SPOCD1: variants seen among roughly 807,000 people sequenced by gnomAD.
The protein encoded by SPOCD1 is SPOC domain containing 1, also known as SPOC domain-containing protein 1.
SPOCD1 carries 64 observed loss-of-function variants against 92.2 expected under a neutral mutation model. That is an observed-to-expected ratio of 0.69 (90% CI 0.57 to 0.86). The LOEUF is 0.86. SPOCD1 is among the 40% of genes least tolerant of loss of function. The pLI, the probability that SPOCD1 is intolerant of heterozygous loss-of-function variation, is 0.00. For synonymous variants in SPOCD1, 578 were observed against 619.3 expected, an observed-to-expected ratio of 0.93 and a Z score of 0.99; for missense variants, 1,360 against 1,543.1, an observed-to-expected ratio of 0.88 and a Z score of 1.99.
chr1:31,811,034 C>T (rs1440353387), intron 2 of SPOCD1, among the ~76,000 whole-genome samples: 1 of 152,176 alleles, frequency 6.6e-6, no homozygotes, highest in Non-Finnish European at 1.5e-5. Flanking sequence ...ATCTCTCCTC[C>T]AAGAGTCTCT....
chr1:31,793,569 CT>C, intron 12 of SPOCD1, 141 bp from the exon 13 acceptor site: 1 of 1,481,040 alleles, frequency 6.8e-7, no homozygotes, highest in Non-Finnish European at 9.2e-7. Flanking sequence ...GTGCAGGGGG[CT>C]GCCAGGAGGC....
chr1:31,792,122 G>A, intron 15 of SPOCD1, 93 bp downstream of exon 15: 4 of 1,406,022 alleles, frequency 2.8e-6, no homozygotes, highest in Non-Finnish European at 3.9e-6. Flanking sequence ...CTTCTGAGAT[G>A]TGCCTGCCTC....
chr1:31,791,082 G>T lies in SPOCD1; in HGVS notation c.3172C>A (p.Pro1058Thr), dbSNP rs144211428. Residue 1058 changes from proline to threonine, a missense_variant, in exon 16 of 16, where the codon CCC becomes ACC. Pro to Thr is a conservative substitution (Grantham distance 38). Coordinates refer to ENST00000360482, the MANE Select transcript of SPOCD1 (RefSeq NM_144569.7). ...YQPDDRRPNVPLKGTPPPGGA... is the reference protein window; with the variant it reads ...YQPDDRRPNVTLKGTPPPGGA... ...CCTGGGGGAGGGGTGCCCTTCAGGG[G>T]CACATTCGGCCTCCTGTCATCTGGC... The T allele has an allele frequency of 2.5e-6, 4 of 1,612,880 alleles. No homozygotes were observed. In the African/African-American group the frequency reaches 4.0e-5, roughly 16 times the overall value.
intron 2 of SPOCD1, 29 bp from the exon 3 acceptor site, chr1:31,801,734 G>A: frequency 6.3e-7 from 1 of 1,596,398 alleles, no homozygotes. Context: ...GCAGAGATTA[G>A]AATCCAGAGG....
chr1:31,809,514 T>C (rs563587022), intron 2 of SPOCD1, among the ~76,000 whole-genome samples: 1 of 142,464 alleles, frequency 7.0e-6, no homozygotes, highest in East Asian at 2.1e-4. Context: ...ACAGCAGCAC[T>C]ATATGTAGTA....
At position 31,813,979 on chromosome 1, in the gene SPOCD1, T is replaced by C; in HGVS notation, c.1355A>G (p.Glu452Gly). 2 of 1,564,520 alleles carry C rather than the reference T, an allele frequency of 1.3e-6. No homozygotes were observed. The highest frequency in any genetic ancestry group is 1.7e-6 in the Non-Finnish European group (2 of 1,151,040). Residue 452 changes from glutamate (E) to glycine (G), a missense_variant, in exon 2 of 16, where the codon GAA becomes GGA. Coordinates refer to ENST00000360482, the MANE Select transcript of SPOCD1 (RefSeq NM_144569.7). ...SDNSHQDRPE[E>G]PSPGGCPRLE... ...TCTGGGGCAGCCTCCTGGGCTGGGT[T>C]CCTCTGGCCTGTCCTGGTGGGAGTT...
intron 14 of SPOCD1, 137 bp from the exon 15 acceptor site, chr1:31,792,538 G>C (rs1647676645): frequency 8.5e-7 from 1 of 1,178,126 alleles, no homozygotes; most frequent in Non-Finnish European, 1.2e-6. Flanking sequence ...AGAGGGACCT[G>C]TCCAGGGTCA....
intron 2 of SPOCD1, among the ~76,000 whole-genome samples, chr1:31,809,534 A>G (rs1366990832): frequency 6.6e-6 from 1 of 151,902 alleles, no homozygotes; most frequent in Non-Finnish European, 1.5e-5. Flanking sequence ...AGCCAAAAAA[A>G]AAAACACCAA....
rs1159889057 is a variant in SPOCD1 at position 31,790,984 on chromosome 1, G to A, written c.3270C>T (p.Pro1090=). 6.3e-7 allele frequency: 1 copy of A among 1,581,528 alleles called. No homozygotes were observed. The highest frequency in any genetic ancestry group is 1.2e-5 in the South Asian group (1 of 86,430). The change falls in exon 16 of 16, where the codon CCC becomes CCT. Residue 1090 remains proline (P), a synonymous_variant. Transcript: ENST00000360482. ...PRGISAWQRP[P]RGRGRLWPEP... is the part of the protein sequence containing the mutation. ...CTGGCCAGAGCCTCCCCCTGCCTCT[G>A]GGGGGCCTCTGCCAAGCAGAGATTC... is the stretch of plus-strand genomic sequence containing the variant.
intron 2 of SPOCD1, among the ~76,000 whole-genome samples, chr1:31,808,264 G>A (rs982922729): frequency 4.6e-5 from 7 of 151,006 alleles, no homozygotes; most frequent in African/African-American, 1.5e-4. Flanking sequence ...CACAAAATAC[G>A]AAAAAGATAT....
In SPOCD1 at chr1:31,790,545, G is replaced by A. The variant is rs1363885413; in HGVS notation, c.*58C>T. 3 of 1,476,322 alleles carry A rather than the reference G, an allele frequency of 2.0e-6. No individual in the cohort carries two copies. The highest frequency in any genetic ancestry group is 1.4e-5 in the African/African-American group (1 of 71,314). 91.5% of individuals were successfully genotyped at this position (1,476,322 alleles called of 1,614,324 possible). ...CTCCTTGCAGTCCCACCTCTCTCTG[G>A]AACAGGCTTCAACACTAGTGAGGGC... On this transcript the variant is annotated 3_prime_UTR_variant, in exon 16 of 16. Coordinates refer to ENST00000360482, the MANE Select transcript of SPOCD1 (RefSeq NM_144569.7).
Position 31,792,695 on chromosome 1 carries a change from A to C in SPOCD1, c.2758T>G (p.Cys920Gly). 6.2e-7 allele frequency: 1 copy of C among 1,604,430 alleles called. No homozygotes were observed. Residue 920 changes from cysteine to glycine, a missense_variant, in exon 14 of 16, where the codon TGC becomes GGC. Transcript: ENST00000360482. ...GCAGGTACCTTGGCCTTGGCTGGGC[A>C]GATGCTGGCCAGAAGGTCCCAGACA... The part of the protein sequence containing the change: ...NIVWDLLASI[C>G]PAKAKDVCVV...
In SPOCD1 at chr1:31,801,598, C is replaced by T; in HGVS notation, c.1425+66G>A. ...GATCTCCACATCTACTGTGGAGGAGCCCTCCCACTCCACCCCACCTGAGGC... is the reference window on the plus strand; with the variant it reads ...GATCTCCACATCTACTGTGGAGGAGTCCTCCCACTCCACCCCACCTGAGGC... On this transcript the variant is annotated intron_variant, in intron 3 of 15. Coordinates refer to ENST00000360482, the MANE Select transcript of SPOCD1 (RefSeq NM_144569.7). The T allele has an allele frequency of 2.8e-6, 4 of 1,450,526 alleles. No homozygotes were observed. The South Asian group carries it at 4.6e-5, about 17-fold the overall frequency. 89.9% of individuals were successfully genotyped at this position (1,450,526 alleles called of 1,614,324 possible).
intron 6 of SPOCD1, 72 bp downstream of exon 6, chr1:31,799,737 A>G (rs1334614690): frequency 2.6e-6 from 4 of 1,532,700 alleles, no homozygotes; most frequent in East Asian, 4.5e-5. Context: ...TGGGCCCAGG[A>G]GCTGGGCCTG....
chr1:31,790,589 G>A lies in SPOCD1; in HGVS notation c.*14C>T. 7 of 1,549,942 alleles carry A rather than the reference G, an allele frequency of 4.5e-6. No individual in the cohort carries two copies. The highest frequency in any genetic ancestry group is 6.1e-6 in the Non-Finnish European group (7 of 1,145,694). ...TGAGGGCATCAAAACCCCTGTTCTGGTGGGTAAGGAGGGTCAGGCCTTTCT... is the reference window on the plus strand; with the variant it reads ...TGAGGGCATCAAAACCCCTGTTCTGATGGGTAAGGAGGGTCAGGCCTTTCT... On this transcript the variant is annotated 3_prime_UTR_variant, in exon 16 of 16. Transcript: ENST00000360482.
chr1:31,791,435 C>T (rs1647587239), intron 15 of SPOCD1, 144 bp from the exon 16 acceptor site: 4 of 613,178 alleles, frequency 6.5e-6, no homozygotes, highest in Non-Finnish European at 1.0e-5. Flanking sequence ...GATTTGAGCT[C>T]TGCGGGATCA....
At position 31,798,193 on chromosome 1, in the gene SPOCD1, G is replaced by A; in HGVS notation, c.2145+14C>T. On this transcript the variant is annotated intron_variant, in intron 9 of 15. Transcript: ENST00000360482. The surrounding 1 kb of genome is among the most constrained non-coding windows in gnomAD (Gnocchi z 4.1). ...TACATCCCCTCACCCATCCCGACTG[G>A]GCTCAGCACTCACCCTTTTCTCCTC... The A allele has an allele frequency of 6.2e-7, 1 of 1,605,560 alleles. No individual in the cohort carries two copies. The highest frequency in any genetic ancestry group is 8.5e-7 in the Non-Finnish European group (1 of 1,172,348).
intron 2 of SPOCD1, among the ~76,000 whole-genome samples, chr1:31,802,380 C>T (rs766308425): frequency 7.2e-5 from 11 of 152,152 alleles, no homozygotes; most frequent in South Asian, 2.1e-4. Flanking sequence ...CCCCATTTTA[C>T]AGATGAGGAA....
chr1:31,797,616 G>A (rs886538570), intron 9 of SPOCD1, among the ~76,000 whole-genome samples: 10 of 152,152 alleles, frequency 6.6e-5, no homozygotes, highest in Non-Finnish European at 1.3e-4. Flanking sequence ...GGAGTGCCTC[G>A]CCCCATCCCA....
Sources: gnomAD v4.1 joint callset for allele counts (sites outside exome capture counted in the v4.1 genomes callset) on GRCh38, gnomAD v4.1.1 for gene constraint, Gnocchi (gnomAD v3.1) non-coding constraint, MANE v1.5 for transcripts, NCBI Gene and HGNC (gene_info 2026-07-23, HGNC 2026-07-21) for gene names.